Variants in PCDHGA7 observed in about 807,000 individuals in gnomAD.
PCDHGA7 encodes the protein protocadherin gamma subfamily A, 7.
In PCDHGA7, 44 loss-of-function variants were observed where a neutral mutation model predicts 58.3. The observed-to-expected ratio is 0.75, with a 90% CI of 0.59 to 0.97. PCDHGA7 has a LOEUF of 0.97. PCDHGA7 is among the 50% of genes least tolerant of loss of function. The probability of loss-of-function intolerance (pLI) is 0.00; values close to 1 mark genes in which losing one functional copy is unlikely to be tolerated. For missense variants in PCDHGA7, 1,266 were observed against 1,188.7 expected, an observed-to-expected ratio of 1.06 and a Z score of -0.96; for synonymous variants, 516 against 504.2, an observed-to-expected ratio of 1.02 and a Z score of -0.31.
At chr5:141,407,707 G>A (rs894295431) in intron 1 of PCDHGA7, among the ~76,000 whole-genome samples, 1 of 151,964 alleles carries the variant, frequency 6.6e-6, no homozygotes, top group African/African-American at 2.4e-5. Flanking sequence ...TTGAAGGTGG[G>A]GTGATGGCTA....
At position 141,485,293 on chromosome 5, in the gene PCDHGA7, G is replaced by A. The variant is rs1356836741; in HGVS notation, c.2425-9514G>A. On this transcript the variant is annotated intron_variant, in intron 1 of 3. Transcript: ENST00000518325. The surrounding 1 kb of genome is among the most constrained non-coding windows in gnomAD (Gnocchi z 5.7). ...GCTACCCGGTCCCAGAGGAGTCACA[G>A]GAAGGGACTTTTGTAGGGAATGTCG... 1 of 1,614,170 alleles carries A rather than the reference G, an allele frequency of 6.2e-7. No individual in the cohort carries two copies.
intron 1 of PCDHGA7, among the ~76,000 whole-genome samples, chr5:141,467,055 C>CTTT (rs1193465269): frequency 2.2e-5 from 3 of 134,494 alleles, no homozygotes; most frequent in Admixed American, 7.5e-5. Context: ...TCAATGTTTT[C>CTTT]TTTTTTTTTT....
rs1222018997 is a variant in PCDHGA7 at position 141,384,708 on chromosome 5, G to A, written c.1809G>A (p.Trp603Ter). The A allele has an allele frequency of 1.9e-6, 3 of 1,613,998 alleles. No homozygotes were observed. The highest frequency in any genetic ancestry group is 2.5e-6 in the Non-Finnish European group (3 of 1,180,040). The change falls in exon 1 of 4, where the codon TGG (tryptophan) becomes TGA (stop). Residue 603 changes from tryptophan to a stop codon, truncating the protein, a stop_gained. Coordinates refer to ENST00000518325, the MANE Select transcript of PCDHGA7 (RefSeq NM_018920.4). LOFTEE classifies it high-confidence loss of function. ...AVDKDSGQNA[W>*]LSYLLLKASE... Reference sequence around the variant, plus strand: ...ACAAAGATTCAGGCCAGAACGCCTGGCTGTCATACCTCCTGCTTAAGGCCA... The same window carrying A: ...ACAAAGATTCAGGCCAGAACGCCTGACTGTCATACCTCCTGCTTAAGGCCA...
intron 1 of PCDHGA7, chr5:141,385,685 C>T (rs1022994434): frequency 3.0e-6 from 1 of 331,334 alleles, no homozygotes; most frequent in Non-Finnish European, 4.5e-6. Flanking sequence ...CAGCTGTCTT[C>T]TCAGGATTCT....
intron 1 of PCDHGA7, chr5:141,393,423 G>A: frequency 1.2e-6 from 2 of 1,614,040 alleles, no homozygotes; most frequent in South Asian, 2.2e-5. Flanking sequence ...GGACAGGGAG[G>A]AAGAGGCTGC....
At chr5:141,386,308 A>G (rs1057447717) in intron 1 of PCDHGA7, among the ~76,000 whole-genome samples, 5 of 152,236 alleles carry the variant, frequency 3.3e-5, no homozygotes, top group African/African-American at 4.8e-5. Flanking sequence ...AAAGCTCAGT[A>G]TATCAAGTGA....
At chr5:141,488,021 C>A (rs570700985) in intron 1 of PCDHGA7, among the ~76,000 whole-genome samples, 1 of 152,244 alleles carries the variant, frequency 6.6e-6, no homozygotes, top group East Asian at 1.9e-4. Flanking sequence ...TACCTTAACT[C>A]TAGGTTACCA....
At position 141,398,847 on chromosome 5, in the gene PCDHGA7, G is replaced by C. The variant is rs773663002; in HGVS notation, c.2424+13524G>C. ...TAACCGACGCCAATGATAATCCCCC[G>C]GTATTCAACCGAGACGTGTACAGAG... On this transcript the variant is annotated intron_variant, in intron 1 of 3. Coordinates refer to ENST00000518325, the MANE Select transcript of PCDHGA7 (RefSeq NM_018920.4). The C allele has an allele frequency of 3.8e-5, 62 of 1,613,758 alleles. 1 individual carries two copies. In the Admixed American group the frequency reaches 1.0e-3, roughly 27 times the overall value.
chr5:141,396,492 C>G (rs970666488), intron 1 of PCDHGA7: 1 of 151,944 alleles, frequency 6.6e-6, no homozygotes, highest in Non-Finnish European at 1.5e-5. Context: ...TGGTGGCATG[C>G]GCCTGTGGTC....
At chr5:141,506,962 G>A (rs2099857578) in intron 3 of PCDHGA7, 1 of 152,196 alleles carries the variant, frequency 6.6e-6, no homozygotes, top group Non-Finnish European at 1.5e-5. Context: ...CCTCTCAATA[G>A]CTCTGCAAGG....
chr5:141,398,787 A>T, intron 1 of PCDHGA7: 1 of 1,613,902 alleles, frequency 6.2e-7, no homozygotes, highest in African/African-American at 1.3e-5. Flanking sequence ...GTGGACATCC[A>T]CCCCTAAGCG....
intron 1 of PCDHGA7, among the ~76,000 whole-genome samples, chr5:141,463,572 C>T (rs1462125489): frequency 6.6e-6 from 1 of 151,572 alleles, no homozygotes; most frequent in African/African-American, 2.4e-5. Context: ...CCTCAGCCTC[C>T]CGAGTAGCTG....
chr5:141,480,239 A>C (rs1320132415), intron 1 of PCDHGA7, among the ~76,000 whole-genome samples: 4 of 136,218 alleles, frequency 2.9e-5, no homozygotes, highest in African/African-American at 1.1e-4. Context: ...TCCTGTCTCT[A>C]CAAAAAAAAA....
intron 1 of PCDHGA7, chr5:141,422,820 G>A (rs904706749): frequency 6.2e-6 from 10 of 1,614,178 alleles, no homozygotes; most frequent in Non-Finnish European, 7.6e-6. Flanking sequence ...ACTTAGAACT[G>A]AGAGTGATAG....
chr5:141,427,193 C>T (rs1427995075), intron 1 of PCDHGA7: 1 of 456,496 alleles, frequency 2.2e-6, no homozygotes, highest in Admixed American at 2.4e-5. Context: ...AATCCAAAGA[C>T]TTAATAGACT....
chr5:141,508,721 G>A (rs1266581528), intron 3 of PCDHGA7, among the ~76,000 whole-genome samples: 1 of 151,930 alleles, frequency 6.6e-6, no homozygotes, highest in Non-Finnish European at 1.5e-5. Flanking sequence ...TCTGTGTGCA[G>A]GGAGACTACA....
intron 1 of PCDHGA7, chr5:141,428,142 C>A: frequency 6.3e-7 from 1 of 1,594,260 alleles, no homozygotes; most frequent in Non-Finnish European, 8.6e-7. Flanking sequence ...CCTGGGGCTG[C>A]ACACGGGAAC....
Position 141,384,400 on chromosome 5 carries a change from G to C in PCDHGA7, c.1501G>C (p.Val501Leu). 1 of 1,613,936 alleles carries C rather than the reference G, an allele frequency of 6.2e-7. No homozygotes were observed. The highest frequency in any genetic ancestry group is 1.1e-5 in the South Asian group (1 of 91,088). The part of the protein sequence containing the change: ...LAEDTIQGAP[V>L]SSYVSINSDT... ...CGAAGACACCATCCAGGGGGCTCCA[G>C]TGTCCTCCTATGTCTCCATAAACTC... The change falls in exon 1 of 4, where the codon GTG becomes CTG. Residue 501 changes from valine to leucine, a missense_variant. Transcript: ENST00000518325.
intron 2 of PCDHGA7, among the ~76,000 whole-genome samples, chr5:141,504,722 C>T (rs747319660): frequency 1.3e-5 from 2 of 151,828 alleles, no homozygotes; most frequent in Non-Finnish European, 2.9e-5. Context: ...GGATTTTACT[C>T]TGAGGGCTTA....
Sources: allele counts gnomAD v4.1 joint callset (sites outside exome capture counted in the v4.1 genomes callset), GRCh38; gene constraint gnomAD v4.1.1; non-coding constraint Gnocchi (gnomAD v3.1); transcripts MANE v1.5; gene names NCBI Gene and HGNC (gene_info 2026-07-23, HGNC 2026-07-21).